Variants in ZNF710 observed in about 807,000 individuals in gnomAD.
ZNF710 encodes zinc finger protein 710.
ZNF710 carries 13 observed loss-of-function variants against 50.6 expected under a neutral mutation model. The ratio of observed to expected loss-of-function variants is 0.26; its 90% CI spans 0.17 to 0.41. The LOEUF (loss-of-function observed/expected upper bound fraction) is 0.41, where lower values mean the gene tolerates loss of function less well. Among genes scored for constraint, ZNF710 ranks in the 10% least tolerant of loss-of-function variants. ZNF710 has a pLI of 1.00. For synonymous variants in ZNF710, 383 were observed against 397.0 expected (o/e 0.96, Z 0.42); for missense variants, 721 against 936.6 (o/e 0.77, Z 3.01).
chr15:90,065,016 G>A (rs181534552), intron 1 of ZNF710, among the ~76,000 whole-genome samples: 2 of 152,242 alleles, frequency 1.3e-5, no homozygotes, highest in East Asian at 3.9e-4. Flanking sequence ...ACATTGGGGT[G>A]GGGTGTGGTG....
chr15:90,038,833 C>G (rs936614073), intron 1 of ZNF710, among the ~76,000 whole-genome samples: 1 of 151,890 alleles, frequency 6.6e-6, no homozygotes, highest in Non-Finnish European at 1.5e-5. Context: ...TGCATAGTTT[C>G]AAAACTCACC....
At chr15:90,050,507 C>G (rs1218199254) in intron 1 of ZNF710, among the ~76,000 whole-genome samples, 9 of 152,206 alleles carry the variant, frequency 5.9e-5, no homozygotes, top group African/African-American at 2.2e-4. Context: ...TCTAGGCCTC[C>G]CTGGACCCCT....
rs144152063 is a variant in ZNF710 at position 90,038,707 on chromosome 15, C to CTGTGTGTGTGTGTGTGTG, written c.-28-28386_-28-28369dup. On this transcript the variant is annotated intron_variant, in intron 1 of 4. Coordinates refer to ENST00000268154, the MANE Select transcript of ZNF710 (RefSeq NM_198526.4). The stretch of plus-strand genomic sequence containing the variant: ...TTTAATCTAGAACAGCCTCCCTGCT[C>CTGTGTGTGTGTGTGTGTG]TGTGTGTGTGTGTGTGTGTGTGTGT... Among the ~76,000 whole-genome samples, 1,242 of 143,616 alleles carry CTGTGTGTGTGTGTGTGTG rather than the reference C, an allele frequency of 8.6e-3. 23 individuals carry two copies. Among genetic ancestry groups the CTGTGTGTGTGTGTGTGTG allele is most frequent in the African/African-American group, 0.021 (782 of 37,806 alleles). The allele number at this position is 143,616 out of a possible 152,430, so 94.2% of individuals were successfully genotyped here.
intron 1 of ZNF710, among the ~76,000 whole-genome samples, chr15:90,038,675 A>T (rs1002914931): frequency 2.0e-5 from 3 of 148,638 alleles, no homozygotes; most frequent in African/African-American, 7.6e-5. Context: ...GCGTTTCTTT[A>T]CCTTCTTTTA....
intron 1 of ZNF710, among the ~76,000 whole-genome samples, chr15:90,009,703 C>T (rs1898247640): frequency 6.6e-6 from 1 of 152,106 alleles, no homozygotes; most frequent in Admixed American, 6.5e-5. Flanking sequence ...CTCTCTCCCT[C>T]CCCAACCCCA....
intron 1 of ZNF710, among the ~76,000 whole-genome samples, chr15:90,042,550 G>A (rs765951842): frequency 5.9e-5 from 9 of 152,096 alleles, no homozygotes; most frequent in Middle Eastern, 3.2e-3. Flanking sequence ...TCTGCTCCCC[G>A]GCGTTTCTCA....
chr15:90,056,643 A>G (rs1899828115), intron 1 of ZNF710, among the ~76,000 whole-genome samples: 1 of 152,200 alleles, frequency 6.6e-6, no homozygotes, highest in Non-Finnish European at 1.5e-5. Context: ...GCAGTAAAGA[A>G]GCACGCATGC....
At chr15:90,004,529 T>C (rs1199387299) in intron 1 of ZNF710, among the ~76,000 whole-genome samples, 1 of 152,230 alleles carries the variant, frequency 6.6e-6, no homozygotes. Flanking sequence ...AATCTGTGAA[T>C]GTGCTGGGCC....
chr15:90,042,553 G>A (rs1193792642), intron 1 of ZNF710, among the ~76,000 whole-genome samples: 1 of 152,118 alleles, frequency 6.6e-6, no homozygotes, highest in Non-Finnish European at 1.5e-5. Flanking sequence ...GCTCCCCGGC[G>A]TTTCTCATTA....
intron 1 of ZNF710, among the ~76,000 whole-genome samples, chr15:90,010,767 T>C (rs923096889): frequency 3.3e-5 from 5 of 152,208 alleles, no homozygotes; most frequent in African/African-American, 1.2e-4. Flanking sequence ...TTTTTATTTT[T>C]AGAGAAAGGA....
intron 1 of ZNF710, among the ~76,000 whole-genome samples, chr15:90,060,658 A>G (rs975834660): frequency 6.6e-6 from 1 of 152,178 alleles, no homozygotes; most frequent in African/African-American, 2.4e-5. Flanking sequence ...GTTCGAGACC[A>G]GCCTGGCCAA....
intron 2 of ZNF710, among the ~76,000 whole-genome samples, chr15:90,071,677 C>CTTTTTTTTTTTTTTTTTTTTTTTTTTTT (rs201729973): frequency 7.9e-6 from 1 of 127,260 alleles, no homozygotes; most frequent in African/African-American, 2.9e-5. Context: ...TTTATTTTTA[C>CTTTTTTTTTTTTTTTTTTTTTTTTTTTT]TCTTTTTTTT....
At chr15:90,035,180 G>A (rs1899082957) in intron 1 of ZNF710, among the ~76,000 whole-genome samples, 1 of 152,224 alleles carries the variant, frequency 6.6e-6, no homozygotes, top group African/African-American at 2.4e-5. Flanking sequence ...ACTTCACGTG[G>A]GGACCTGGCA....
At chr15:90,031,770 C>T (rs1490495120) in intron 1 of ZNF710, among the ~76,000 whole-genome samples, 1 of 152,200 alleles carries the variant, frequency 6.6e-6, no homozygotes, top group African/African-American at 2.4e-5. Flanking sequence ...GCCCCAAATC[C>T]ACTGGATCTG....
At position 90,068,541 on chromosome 15, in the gene ZNF710, C is replaced by T. The variant is rs372346838; in HGVS notation, c.1404C>T (p.Cys468=). 3.0e-5 allele frequency: 49 copies of T among 1,611,152 alleles called. No individual in the cohort carries two copies. The highest frequency in any genetic ancestry group is 5.3e-5 in the African/African-American group (4 of 74,930). ...TGCGACCCTTCGTGTGCACTGAATG[C>T]GGCATGGAGTTCAGCCAGATTCACC... The part of the protein sequence containing the change: ...QNVRPFVCTE[C]GMEFSQIHHL... Residue 468 remains cysteine, a synonymous_variant, in exon 2 of 5, where the codon TGC becomes TGT. Coordinates refer to ENST00000268154, the MANE Select transcript of ZNF710 (RefSeq NM_198526.4). The surrounding 1 kb of genome is among the most constrained non-coding windows in gnomAD (Gnocchi z 5.0).
intron 1 of ZNF710, chr15:90,002,433 G>C (rs1383376646): frequency 6.6e-6 from 1 of 152,312 alleles, no homozygotes; most frequent in Non-Finnish European, 1.5e-5. Context: ...TGAGCCTCCC[G>C]CGGCTCAGCC....
Position 90,056,032 on chromosome 15 carries a change from G to A in ZNF710, c.-28-11078G>A, listed in dbSNP as rs148856747. On this transcript the variant is annotated intron_variant, in intron 1 of 4. Transcript: ENST00000268154. ...TCTGGGAGGCTGAGGCAGGAGAATC[G>A]CTTGAACCAGGAGGTGGAGGTTGCA... 3.3e-4 allele frequency among the ~76,000 whole-genome samples: 49 copies of A among 148,872 alleles called. 1 individual carries two copies. Among genetic ancestry groups the A allele is most frequent in the African/African-American group, 1.2e-3 (47 of 40,120 alleles).
rs76895279 is a variant in ZNF710 at position 90,005,032 on chromosome 15, T to C, written c.-29+3418T>C. Among the ~76,000 whole-genome samples, 1,353 of 152,326 alleles carry C rather than the reference T, an allele frequency of 8.9e-3. 18 individuals carry two copies. Among genetic ancestry groups the C allele is most frequent in the African/African-American group, 0.031 (1,292 of 41,566 alleles). ...AATGCTTTCTTCATACTTTGACTTG[T>C]ATGTGATTTATTTAGGATTGGTCAG... is the stretch of plus-strand genomic sequence containing the variant. On this transcript the variant is annotated intron_variant, in intron 1 of 4. Coordinates refer to ENST00000268154, the MANE Select transcript of ZNF710 (RefSeq NM_198526.4).
intron 1 of ZNF710, among the ~76,000 whole-genome samples, chr15:90,058,476 C>CCG (rs373106973): frequency 0.013 from 1,938 of 152,210 alleles, 20 homozygotes; most frequent in Non-Finnish European, 0.015. Context: ...ATCTCACTTA[C>CCG]CGCATTCAGT....
Sources: allele counts gnomAD v4.1 joint callset (sites outside exome capture counted in the v4.1 genomes callset), GRCh38; gene constraint gnomAD v4.1.1; non-coding constraint Gnocchi (gnomAD v3.1); transcripts MANE v1.5; gene names NCBI Gene and HGNC (gene_info 2026-07-23, HGNC 2026-07-21).